The following ODAM variants were observed in gnomAD, a reference collection of about 807,000 sequenced individuals.
ODAM encodes odontogenic ameloblast-associated protein.
Under a neutral mutation model 48.5 loss-of-function variants are expected in ODAM, and 55 were observed. The observed-to-expected ratio is 1.13, with a 90% CI of 0.91 to 1.42. ODAM has a LOEUF of 1.42. Among genes scored for constraint, ODAM ranks in the 40% most tolerant of loss-of-function variants. The pLI is 0.00. For synonymous variants in ODAM, 127 were observed against 107.8 expected, an observed-to-expected ratio of 1.18 and a Z score of -1.10; for missense variants, 353 against 323.6, an observed-to-expected ratio of 1.09 and a Z score of -0.70.
chr4:70,199,049 G>T (rs1341205826), intron 6 of ODAM, among the ~76,000 whole-genome samples: 1 of 151,924 alleles, frequency 6.6e-6, no homozygotes, highest in African/African-American at 2.4e-5. Flanking sequence ...AGAAACACTT[G>T]CCCATGTTAT....
intron 8 of ODAM, 53 bp from the exon 9 acceptor site, chr4:70,202,205 C>A: frequency 7.4e-7 from 1 of 1,350,836 alleles, no homozygotes; most frequent in East Asian, 2.3e-5. Context: ...GGCCAAAGAG[C>A]ATATTTTCAA....
intron 1 of ODAM, among the ~76,000 whole-genome samples, chr4:70,196,104 C>T (rs1729352130): frequency 6.6e-6 from 1 of 151,944 alleles, no homozygotes; most frequent in Non-Finnish European, 1.5e-5. Flanking sequence ...ATTGTCAAAT[C>T]TCTATTGAAG....
Position 70,202,896 on chromosome 4 carries a change from C to G in ODAM, c.789C>G (p.Thr263=), listed in dbSNP as rs760949658. The G allele has an allele frequency of 6.8e-6, 11 of 1,610,470 alleles. No homozygotes were observed. Among genetic ancestry groups the G allele is most frequent in the Non-Finnish European group, 9.3e-6 (11 of 1,178,414 alleles). ...VFTSAVDQTI[T]PELPEEKDKT... ...CTTCTGCTGTAGACCAAACTATTAC[C>G]CCAGAGCTCCCAGAAGAGAAGGTAG... The change falls in exon 10 of 12, where the codon ACC becomes ACG. Residue 263 remains threonine, a synonymous_variant. Coordinates refer to ENST00000683306, the MANE Select transcript of ODAM (RefSeq NM_017855.4).
intron 6 of ODAM, chr4:70,200,183 A>T (rs1205588337): frequency 7.4e-6 from 3 of 403,748 alleles, no homozygotes; most frequent in African/African-American, 6.5e-5. Flanking sequence ...TCACTTAGGT[A>T]TTTGCAAAGT....
chr4:70,197,789 A>T, intron 4 of ODAM, 135 bp from the exon 5 acceptor site: 2 of 674,276 alleles, frequency 3.0e-6, no homozygotes, highest in Non-Finnish European at 5.1e-6. Flanking sequence ...ATGAATCAAG[A>T]TGCTGTCCTT....
chr4:70,196,660 A>G (rs1729372118), intron 2 of ODAM, 32 bp from the exon 3 acceptor site: 1 of 1,601,386 alleles, frequency 6.2e-7, no homozygotes, highest in Non-Finnish European at 8.5e-7. Flanking sequence ...TCTTTTTACT[A>G]TTTCTGATTT....
intron 11 of ODAM, 134 bp downstream of exon 11, chr4:70,203,348 T>C (rs1365924837): frequency 1.6e-5 from 8 of 502,628 alleles, no homozygotes; most frequent in African/African-American, 1.4e-4. Flanking sequence ...TATATATACC[T>C]ATAAAATTAA....
intron 6 of ODAM, among the ~76,000 whole-genome samples, chr4:70,199,096 C>A (rs1309197801): frequency 6.6e-6 from 1 of 151,954 alleles, no homozygotes; most frequent in Non-Finnish European, 1.5e-5. Flanking sequence ...ACATTTTAAG[C>A]TTCTTATACA....
rs1578235127 is a variant in ODAM, at chr4:70,195,780, G to T, written c.-29G>T. ...CGCATGGTTCAGATTTTTCTTTTTAGGTCCAGGAGTAAGGTAAGATATCAA... is the reference window on the plus strand; with the variant it reads ...CGCATGGTTCAGATTTTTCTTTTTATGTCCAGGAGTAAGGTAAGATATCAA... On this transcript the variant is annotated 5_prime_UTR_variant, in exon 1 of 12. In the 5' UTR this introduces an upstream ATG that the reference lacks. Coordinates refer to ENST00000683306, the MANE Select transcript of ODAM (RefSeq NM_017855.4). 1 of 984,208 alleles carries T rather than the reference G, an allele frequency of 1.0e-6. No individual in the cohort carries two copies. Among genetic ancestry groups the T allele is most frequent in the African/African-American group, 1.7e-5 (1 of 57,146 alleles). The allele number at this position is 984,208 out of a possible 1,614,324, so 61.0% of individuals were successfully genotyped here. A position where few individuals can be genotyped will look rare whatever the true frequency, so the allele number is the denominator to read the frequency against.
At position 70,195,791 on chromosome 4, in the gene ODAM, A is replaced by G; in HGVS notation, c.-18A>G. 2.0e-6 allele frequency: 2 copies of G among 982,712 alleles called. No homozygotes were observed. Among genetic ancestry groups the G allele is most frequent in the Non-Finnish European group, 2.4e-6 (2 of 827,542 alleles). 60.9% of individuals were successfully genotyped at this position (982,712 alleles called of 1,614,324 possible). A position where few individuals can be genotyped will look rare whatever the true frequency, so the allele number is the denominator to read the frequency against. ...GATTTTTCTTTTTAGGTCCAGGAGT[A>G]AGGTAAGATATCAAATCTTTGCTTT... On this transcript the variant is annotated splice_region_variant and 5_prime_UTR_variant, in exon 1 of 12. Transcript: ENST00000683306.
intron 10 of ODAM, 94 bp from the exon 11 acceptor site, chr4:70,203,062 G>A: frequency 4.5e-6 from 6 of 1,322,068 alleles, no homozygotes; most frequent in Non-Finnish European, 6.4e-6. Flanking sequence ...CTCTGAATAA[G>A]GTGGCCAAAA....
At chr4:70,201,414 A>G in intron 7 of ODAM, 40 bp from the exon 8 acceptor site, 1 of 989,922 alleles carries the variant, frequency 1.0e-6, no homozygotes, top group Non-Finnish European at 1.6e-6. Context: ...GACAAGAATA[A>G]TCACAGAAAA....
In ODAM at chr4:70,196,755, A is replaced by C. The variant is rs1729375130; in HGVS notation, c.93+22A>C. The C allele has an allele frequency of 1.9e-6, 3 of 1,575,214 alleles. No individual in the cohort carries two copies. The African/African-American group carries it at 4.1e-5, about 21-fold the overall frequency. On this transcript the variant is annotated intron_variant, in intron 3 of 11. Transcript: ENST00000683306. ...TGAGGTTAGTTTAAATAATTAAAAC[A>C]ATCTCCTCCTTTTTTTAATGGAAAT...
In ODAM at chr4:70,197,290, A is replaced by T. The variant is rs968554489; in HGVS notation, c.110A>T (p.Asn37Ile). 6.9e-7 allele frequency: 1 copy of T among 1,440,452 alleles called. No homozygotes were observed. The highest frequency in any genetic ancestry group is 9.8e-7 in the Non-Finnish European group (1 of 1,023,678). 89.2% of individuals were successfully genotyped at this position (1,440,452 alleles called of 1,614,324 possible). A position where few individuals can be genotyped will look rare whatever the true frequency, so the allele number is the denominator to read the frequency against. Residue 37 changes from asparagine (N) to isoleucine (I), a missense_variant, in exon 4 of 12, where the codon AAT (asparagine) becomes ATT (isoleucine). Transcript: ENST00000683306. ...TTTTTCTAGTTACTTCTTAATCTTA[A>T]TAATGGTCAACTTTTGCCACTACAA... ...SNSNELLLNLNNGQLLPLQLQ... is the reference protein window; with the variant it reads ...SNSNELLLNLINGQLLPLQLQ...
rs765841821 is a variant in ODAM at position 70,198,085 on chromosome 4, A to C, written c.303A>C (p.Gln101His). The change falls in exon 5 of 12, where the codon CAA becomes CAC. Residue 101 changes from glutamine to histidine, a missense_variant. By Grantham distance (24) the Gln-to-His change is conservative. Transcript: ENST00000683306. Reference sequence around the variant, plus strand: ...TAACAGGAGAGGCCAGTTTTGCCCAAGGAGCCCAGGCAGGCCAAGTTGATC... The same window carrying C: ...TAACAGGAGAGGCCAGTTTTGCCCACGGAGCCCAGGCAGGCCAAGTTGATC... ...IPLTGEASFA[Q>H]GAQAGQVDPL... 1.9e-6 allele frequency: 3 copies of C among 1,613,220 alleles called. No homozygotes were observed. The African/African-American group carries it at 4.0e-5, about 22-fold the overall frequency.
In ODAM at chr4:70,203,150, C is replaced by A; in HGVS notation, c.811-6C>A. The stretch of plus-strand genomic sequence containing the variant: ...CAGTTTCTTATGAATGTCCTTTTCT[C>A]ACTAGGACAAGACTGACAGCCTAAG... On this transcript the variant is annotated splice_polypyrimidine_tract_variant and splice_region_variant and intron_variant, in intron 10 of 11. Transcript: ENST00000683306. 1 of 1,584,656 alleles carries A rather than the reference C, an allele frequency of 6.3e-7. No homozygotes were observed. The highest frequency in any genetic ancestry group is 8.7e-7 in the Non-Finnish European group (1 of 1,154,836).
At chr4:70,195,968 C>A (rs1363597093) in intron 1 of ODAM, among the ~76,000 whole-genome samples, 175 bp downstream of exon 1, 1 of 151,936 alleles carries the variant, frequency 6.6e-6, no homozygotes, top group African/African-American at 2.4e-5. Context: ...CACCATAAAT[C>A]AATATCACAG....
chr4:70,202,182 T>C, intron 8 of ODAM, 76 bp from the exon 9 acceptor site: 3 of 991,566 alleles, frequency 3.0e-6, no homozygotes, highest in South Asian at 1.3e-5. Context: ...TTTACTACTC[T>C]GGTACTCTGG....
At chr4:70,201,286 A>G (rs1004326165) in intron 7 of ODAM, among the ~76,000 whole-genome samples, 168 bp from the exon 8 acceptor site, 2 of 151,858 alleles carry the variant, frequency 1.3e-5, no homozygotes, top group African/African-American at 4.8e-5. Flanking sequence ...TATTAAAAAG[A>G]TTCTTGTTAA....
Sources: allele counts gnomAD v4.1 joint callset (sites outside exome capture counted in the v4.1 genomes callset), GRCh38; gene constraint gnomAD v4.1.1; transcripts MANE v1.5; gene names NCBI Gene and HGNC (gene_info 2026-07-23, HGNC 2026-07-21).